EML4: variants seen among roughly 807,000 people sequenced by gnomAD.
EML4 encodes the protein echinoderm microtubule-associated protein-like 4.
In EML4, 72 loss-of-function variants were observed where a neutral mutation model predicts 129.0. The observed-to-expected ratio is 0.56, with a 90% CI of 0.46 to 0.68. The LOEUF (loss-of-function observed/expected upper bound fraction) is 0.68, where lower values mean the gene tolerates loss of function less well. Among genes scored for constraint, EML4 ranks in the 30% least tolerant of loss-of-function variants. The probability of loss-of-function intolerance (pLI) is 0.00; values close to 1 mark genes in which losing one functional copy is unlikely to be tolerated. For missense variants in EML4, 1,363 were observed against 1,190.6 expected, an observed-to-expected ratio of 1.14 and a Z score of -2.13; for synonymous variants, 532 against 405.0, an observed-to-expected ratio of 1.31 and a Z score of -3.77.
At position 42,169,556 on chromosome 2, in the gene EML4, C is replaced by A; in HGVS notation, c.-56C>A. ...GCTCAGCGTCGGCCACTCTGTCGGT[C>A]CGCTGAATGAAGTGCCCGCCCCTCT... On this transcript the variant is annotated 5_prime_UTR_variant, in exon 1 of 23. Transcript: ENST00000318522. 6.3e-7 allele frequency: 1 copy of A among 1,578,334 alleles called. No individual in the cohort carries two copies. The highest frequency in any genetic ancestry group is 8.6e-7 in the Non-Finnish European group (1 of 1,166,650).
chr2:42,174,379 C>T (rs571048694), intron 1 of EML4, among the ~76,000 whole-genome samples: 47 of 152,210 alleles, frequency 3.1e-4, no homozygotes, highest in African/African-American at 1.0e-3. Flanking sequence ...CAACCTCTGC[C>T]TCCTGGGTTC....
Position 42,261,158 on chromosome 2 carries a change from A to G in EML4, c.376A>G (p.Arg126Gly). 1 of 1,613,602 alleles carries G rather than the reference A, an allele frequency of 6.2e-7. No homozygotes were observed. The highest frequency in any genetic ancestry group is 1.1e-5 in the South Asian group (1 of 91,064). The change falls in exon 4 of 23, where the codon AGA becomes GGA. Residue 126 changes from arginine to glycine, a missense_variant. Coordinates refer to ENST00000318522, the MANE Select transcript of EML4 (RefSeq NM_019063.5). ...AAAGAAAGAAAAACCACAAGGACAG[A>G]GAGAAAAAAAAGAGGAATCTCATTC... The part of the protein sequence containing the change: ...EKKKEKPQGQ[R>G]EKKEESHSND...
At chr2:42,284,876 G>A (rs1052797573) in intron 9 of EML4, among the ~76,000 whole-genome samples, 173 bp downstream of exon 9, 1 of 152,096 alleles carries the variant, frequency 6.6e-6, no homozygotes, top group Non-Finnish European at 1.5e-5. Flanking sequence ...TTAAAAGACA[G>A]AGTCATACTA....
intron 1 of EML4, chr2:42,207,901 A>G (rs1672655427): frequency 2.0e-5 from 3 of 152,230 alleles, no homozygotes. Context: ...TATCTTATTT[A>G]TAGGAAGTTT....
At chr2:42,296,620 C>T (rs1036527973) in intron 13 of EML4, among the ~76,000 whole-genome samples, 2 of 152,156 alleles carry the variant, frequency 1.3e-5, no homozygotes, top group South Asian at 2.1e-4. Context: ...TTTCCCTGGG[C>T]TAGCACAGTG....
intron 1 of EML4, among the ~76,000 whole-genome samples, chr2:42,205,211 C>T (rs930220950): frequency 1.3e-5 from 2 of 152,028 alleles, no homozygotes; most frequent in Non-Finnish European, 2.9e-5. Flanking sequence ...TAAACTTGAC[C>T]TTGTAGAATT....
chr2:42,321,164 A>G (rs1246572318), intron 19 of EML4, among the ~76,000 whole-genome samples: 1 of 118,228 alleles, frequency 8.5e-6, no homozygotes, highest in Non-Finnish European at 1.8e-5. Context: ...CGGGCGGATC[A>G]CAAGGTCAAG....
Position 42,213,222 on chromosome 2 carries a change from C to T in EML4, c.26-32283C>T, listed in dbSNP as rs1672981820. 1.3e-5 allele frequency among the ~76,000 whole-genome samples: 2 copies of T among 152,146 alleles called. 1 individual carries two copies. Among genetic ancestry groups the T allele is most frequent in the South Asian group, 4.1e-4 (2 of 4,836 alleles). The stretch of plus-strand genomic sequence containing the variant: ...AGATCACAAAACATTACCAGAATCC[C>T]AGAAGCTCCTTGGTGATGCCTTCTG... On this transcript the variant is annotated intron_variant, in intron 1 of 22. Coordinates refer to ENST00000318522, the MANE Select transcript of EML4 (RefSeq NM_019063.5).
intron 1 of EML4, among the ~76,000 whole-genome samples, chr2:42,221,452 C>T (rs1472614305): frequency 7.8e-6 from 1 of 128,140 alleles, no homozygotes; most frequent in Admixed American, 8.4e-5. Context: ...CTTTGTCACC[C>T]AGGCTAGAGC....
At chr2:42,277,852 C>G (rs1666746364) in intron 6 of EML4, among the ~76,000 whole-genome samples, 1 of 152,204 alleles carries the variant, frequency 6.6e-6, no homozygotes, top group African/African-American at 2.4e-5. Context: ...CAGGCATGAG[C>G]CACCATGCCC....
intron 1 of EML4, among the ~76,000 whole-genome samples, chr2:42,220,069 A>T (rs745805740): frequency 6.6e-5 from 10 of 152,064 alleles, no homozygotes; most frequent in Non-Finnish European, 1.2e-4. Flanking sequence ...ATTTTCACTC[A>T]TAGTGTATGT....
At chr2:42,314,823 A>C (rs973948315) in intron 17 of EML4, among the ~76,000 whole-genome samples, 5 of 152,302 alleles carry the variant, frequency 3.3e-5, no homozygotes, top group Non-Finnish European at 7.3e-5. Flanking sequence ...CCCTGGTCTT[A>C]CCACGCTCTT....
In EML4 at chr2:42,325,565, A is replaced by T; in HGVS notation, c.2242+11A>T. ...ATGAAATATTGTACTGTAAGTATGA[A>T]TGATTTTATATATATATATATATGC... On this transcript the variant is annotated intron_variant, in intron 20 of 22. Transcript: ENST00000318522. 1 of 657,646 alleles carries T rather than the reference A, an allele frequency of 1.5e-6. No homozygotes were observed. Among genetic ancestry groups the T allele is most frequent in the Non-Finnish European group, 2.5e-6 (1 of 402,766 alleles). 40.7% of individuals were successfully genotyped at this position (657,646 alleles called of 1,614,324 possible). A position where few individuals can be genotyped will look rare whatever the true frequency, so the allele number is the denominator to read the frequency against.
intron 11 of EML4, among the ~76,000 whole-genome samples, chr2:42,290,276 A>G (rs1015088542): frequency 6.6e-6 from 1 of 152,116 alleles, no homozygotes; most frequent in Non-Finnish European, 1.5e-5. Context: ...CTGTTCTACT[A>G]TAGATGAGCT....
At chr2:42,272,701 G>A (rs966093387) in intron 6 of EML4, among the ~76,000 whole-genome samples, 2 of 152,094 alleles carry the variant, frequency 1.3e-5, no homozygotes, top group African/African-American at 4.8e-5. Context: ...AAAAGTATGT[G>A]TATAGCAAAA....
chr2:42,202,049 C>T (rs1191507420), intron 1 of EML4, among the ~76,000 whole-genome samples: 1 of 151,246 alleles, frequency 6.6e-6, no homozygotes, highest in Admixed American at 6.6e-5. Context: ...CACCACTGCA[C>T]TCCAGCCTGG....
At chr2:42,220,876 C>A (rs1160188370) in intron 1 of EML4, among the ~76,000 whole-genome samples, 2 of 152,158 alleles carry the variant, frequency 1.3e-5, no homozygotes, top group African/African-American at 4.8e-5. Flanking sequence ...AAAGTCAGAC[C>A]AGACACAACA....
At chr2:42,294,949 A>T (rs958104166) in intron 11 of EML4, among the ~76,000 whole-genome samples, 176 bp from the exon 12 acceptor site, 2 of 152,218 alleles carry the variant, frequency 1.3e-5, no homozygotes, top group African/African-American at 4.8e-5. Context: ...AAGGACATCA[A>T]ATTTAAATCA....
intron 1 of EML4, among the ~76,000 whole-genome samples, chr2:42,237,410 A>G (rs1179932850): frequency 6.6e-6 from 1 of 152,166 alleles, no homozygotes. Flanking sequence ...TTTGTAGGAT[A>G]TGAAGACATT....
Sources: allele counts gnomAD v4.1 joint callset (sites outside exome capture counted in the v4.1 genomes callset), GRCh38; gene constraint gnomAD v4.1.1; transcripts MANE v1.5; gene names NCBI Gene and HGNC (gene_info 2026-07-23, HGNC 2026-07-21).